NSA2: variants seen among roughly 807,000 people sequenced by gnomAD.
NSA2 encodes the protein ribosome biogenesis protein NSA2 homolog.
NSA2 carries 18 observed loss-of-function variants against 34.8 expected under a neutral mutation model. The observed-to-expected ratio is 0.52, with a 90% confidence interval of 0.36 to 0.77. The LOEUF (loss-of-function observed/expected upper bound fraction) is 0.77. NSA2 is among the 30% of genes least tolerant of loss of function. NSA2 has a pLI of 0.00. For synonymous variants in NSA2, 79 were observed against 100.2 expected, an observed-to-expected ratio of 0.79 and a Z score of 1.26; for missense variants, 188 against 314.7, an observed-to-expected ratio of 0.60 and a Z score of 3.05.
chr5:74,769,550 G>A, intron 3 of NSA2, 186 bp downstream of exon 3: 2 of 448,794 alleles, frequency 4.5e-6, no homozygotes, highest in South Asian at 6.5e-5. Context: ...TAAAATTTAA[G>A]TTATAAAAAA....
intron 5 of NSA2, among the ~76,000 whole-genome samples, chr5:74,774,734 CAT>C (rs149297713): frequency 0.013 from 2,002 of 152,186 alleles, 123 homozygotes; most frequent in Admixed American, 0.1. Flanking sequence ...ATATATCAAA[CAT>C]ATTTTAAAAG....
chr5:74,774,809 C>G (rs918943629), intron 5 of NSA2, among the ~76,000 whole-genome samples: 21 of 152,142 alleles, frequency 1.4e-4, no homozygotes, highest in African/African-American at 4.8e-4. Flanking sequence ...GAAAAAATTT[C>G]TTTTGCCACA....
Position 74,779,026 on chromosome 5 carries a change from T to G in NSA2, c.*2355T>G, listed in dbSNP as rs1163112177. 3 of 152,128 alleles carry G rather than the reference T, an allele frequency of 2.0e-5. No homozygotes were observed. The highest frequency in any genetic ancestry group is 7.2e-5 in the African/African-American group (3 of 41,452). 9.4% of individuals were successfully genotyped at this position (152,128 alleles called of 1,614,324 possible). On this transcript the variant is annotated 3_prime_UTR_variant, in exon 6 of 6. Coordinates refer to ENST00000610426, the MANE Select transcript of NSA2 (RefSeq NM_014886.6). The stretch of plus-strand genomic sequence containing the variant: ...GTTAGGTTTTTCCAAGTGATCTAAC[T>G]TTTCCCTCTATAATCTATAAACCCC...
chr5:74,778,563 AGACT>A lies in NSA2; in HGVS notation c.*1896_*1899del, dbSNP rs1745239076. The A allele has an allele frequency of 6.6e-6, 1 of 151,110 alleles. No individual in the cohort carries two copies. Among genetic ancestry groups the A allele is most frequent in the African/African-American group, 2.5e-5 (1 of 40,750 alleles). 9.4% of individuals were successfully genotyped at this position (151,110 alleles called of 1,614,324 possible). A position where few individuals can be genotyped will look rare whatever the true frequency, so the allele number is the denominator to read the frequency against. ...TGAATATAGACACATTTTAAGTAGAAGACTGACGTTCTAAATCATGCTGTTTGAT... is the reference window on the plus strand; with the variant it reads ...TGAATATAGACACATTTTAAGTAGAAGACGTTCTAAATCATGCTGTTTGAT... On this transcript the variant is annotated 3_prime_UTR_variant, in exon 6 of 6. Transcript: ENST00000610426.
At chr5:74,770,891 ATTC>A in intron 4 of NSA2, 81 bp downstream of exon 4, 1 of 1,090,054 alleles carries the variant, frequency 9.2e-7, no homozygotes, top group African/African-American at 1.6e-5. Flanking sequence ...ATTTCCTGAA[ATTC>A]TTTAAATTGA....
chr5:74,769,746 A>G (rs1744855931), intron 3 of NSA2, among the ~76,000 whole-genome samples: 1 of 152,244 alleles, frequency 6.6e-6, no homozygotes, highest in Non-Finnish European at 1.5e-5. Flanking sequence ...AAACTCCCTG[A>G]GTTGTCACAA....
chr5:74,775,887 C>T (rs112172182), intron 5 of NSA2, among the ~76,000 whole-genome samples: 170 of 152,236 alleles, frequency 1.1e-3, no homozygotes, highest in African/African-American at 3.9e-3. Flanking sequence ...CACGCTACAA[C>T]TTCTTCAGTC....
chr5:74,768,762 A>G (rs1403806770), intron 1 of NSA2, among the ~76,000 whole-genome samples, 169 bp from the exon 2 acceptor site: 6 of 152,244 alleles, frequency 3.9e-5, no homozygotes, highest in Middle Eastern at 3.2e-3. Flanking sequence ...CATATCATTC[A>G]AGACCAAAAT....
intron 5 of NSA2, among the ~76,000 whole-genome samples, chr5:74,774,671 A>G (rs750185592): frequency 7.2e-5 from 11 of 152,208 alleles, no homozygotes; most frequent in Non-Finnish European, 1.6e-4. Flanking sequence ...GTTATAACTA[A>G]GAAATATTAT....
rs756470335 is a variant in NSA2 at position 74,774,023 on chromosome 5, A to T, written c.678A>T (p.Glu226Asp). 5 of 1,613,986 alleles carry T rather than the reference A, an allele frequency of 3.1e-6. No individual in the cohort carries two copies. The highest frequency in any genetic ancestry group is 2.2e-5 in the South Asian group (2 of 91,046). The change falls in exon 5 of 6, where the codon GAA (glutamate) becomes GAT (aspartate). Residue 226 changes from glutamate (E) to aspartate (D), a missense_variant. Transcript: ENST00000610426. Reference protein sequence around the residue: ...KGTVIEVNVSELGLVTQGGKV... With the variant: ...KGTVIEVNVSDLGLVTQGGKV... ...CTGTCATTGAAGTAAATGTGAGCGA[A>T]TTGGGCCTTGTGACACAAGGAGGCA... is the stretch of plus-strand genomic sequence containing the variant.
intron 3 of NSA2, among the ~76,000 whole-genome samples, chr5:74,770,268 C>G (rs1195677616): frequency 6.7e-6 from 1 of 150,032 alleles, no homozygotes; most frequent in Admixed American, 6.7e-5. Flanking sequence ...GAGGCGGAGG[C>G]TGCACAGTGA....
chr5:74,774,203 G>A, intron 5 of NSA2, 143 bp downstream of exon 5: 1 of 528,678 alleles, frequency 1.9e-6, no homozygotes. Context: ...TAAATATTTA[G>A]TAAAAAATAC....
intron 4 of NSA2, among the ~76,000 whole-genome samples, chr5:74,773,566 A>G (rs1745016178): frequency 6.6e-6 from 1 of 152,050 alleles, no homozygotes; most frequent in South Asian, 2.1e-4. Flanking sequence ...CTTGAGCCCA[A>G]GAAGTCCAAG....
Position 74,767,953 on chromosome 5 carries a change from G to A in NSA2, c.3+590G>A, listed in dbSNP as rs184422638. 3.9e-3 allele frequency among the ~76,000 whole-genome samples: 601 copies of A among 152,286 alleles called. 2 individuals are homozygous for A. Among genetic ancestry groups the A allele is most frequent in the African/African-American group, 0.014 (580 of 41,552 alleles). On this transcript the variant is annotated intron_variant, in intron 1 of 5. Transcript: ENST00000610426. ...GCAGTTGGTAGCAGCACACCTTGTT[G>A]GTTGTTACTTAACATTGCTCTCTGT...
rs1276708913 is a variant in NSA2 at position 74,779,644 on chromosome 5, A to G, written c.*2973A>G. 6.6e-6 allele frequency: 1 copy of G among 151,908 alleles called. No homozygotes were observed. The highest frequency in any genetic ancestry group is 2.4e-5 in the African/African-American group (1 of 41,366). The allele number at this position is 151,908 out of a possible 1,614,324, so 9.4% of individuals were successfully genotyped here. A position where few individuals can be genotyped will look rare whatever the true frequency, so the allele number is the denominator to read the frequency against. On this transcript the variant is annotated 3_prime_UTR_variant, in exon 6 of 6. Coordinates refer to ENST00000610426, the MANE Select transcript of NSA2 (RefSeq NM_014886.6). ...TACTTTTTTTTTTTTACTTAGTATT[A>G]GCATTTGTTGAAAAAATAAATGGCC...
Position 74,769,260 on chromosome 5 carries a change from A to T in NSA2, c.238A>T (p.Lys80Ter). ...AAACACCAAACAAAAGAATGATGAA[A>T]AGACACCACAGGGAGCAGTACCTGC... ...KRNTKQKNDE[K>*]TPQGAVPAYL... The change falls in exon 3 of 6, where the codon AAG becomes TAG. Residue 80 changes from lysine to a stop codon, truncating the protein, a stop_gained. Coordinates refer to ENST00000610426, the MANE Select transcript of NSA2 (RefSeq NM_014886.6). LOFTEE classifies it high-confidence loss of function. 1.9e-6 allele frequency: 3 copies of T among 1,612,056 alleles called. No individual in the cohort carries two copies. Among genetic ancestry groups the T allele is most frequent in the Non-Finnish European group, 2.5e-6 (3 of 1,179,526 alleles).
intron 4 of NSA2, 76 bp from the exon 5 acceptor site, chr5:74,773,792 T>G: frequency 8.7e-7 from 1 of 1,146,912 alleles, no homozygotes; most frequent in Middle Eastern, 3.0e-4. Context: ...TTGAAAAAGA[T>G]AAGCGAAAAC....
chr5:74,779,776 G>A lies in NSA2; in HGVS notation c.*3105G>A, dbSNP rs924821103. 3.3e-5 allele frequency: 5 copies of A among 152,028 alleles called. No individual in the cohort carries two copies. The highest frequency in any genetic ancestry group is 4.8e-5 in the African/African-American group (2 of 41,414). 9.4% of individuals were successfully genotyped at this position (152,028 alleles called of 1,614,324 possible). A position where few individuals can be genotyped will look rare whatever the true frequency, so the allele number is the denominator to read the frequency against. The stretch of plus-strand genomic sequence containing the variant: ...TTCAAAATCTAACACAAATAGGAGC[G>A]TTTACTATTTTTGTCTGCTTTAAGA... On this transcript the variant is annotated 3_prime_UTR_variant, in exon 6 of 6. Transcript: ENST00000610426.
In NSA2 at chr5:74,768,964, C is replaced by T. The variant is rs1370387682; in HGVS notation, c.37C>T (p.Arg13Cys). The T allele has an allele frequency of 2.5e-6, 4 of 1,600,772 alleles. No homozygotes were observed. Among genetic ancestry groups the T allele is most frequent in the African/African-American group, 1.4e-5 (1 of 73,792 alleles). The change falls in exon 2 of 6, where the codon CGC (arginine) becomes TGC (cysteine). Residue 13 changes from arginine (R) to cysteine (C), a missense_variant. By Grantham distance (180) the Arg-to-Cys change is radical (BLOSUM62 -3). Transcript: ENST00000610426. ...QNEYIELHRK[R>C]YGYRLDYHEK... ...TGAATATATTGAATTACACCGTAAA[C>T]GCTATGGATACCGTTTGGATTACCA... is the stretch of plus-strand genomic sequence containing the variant.
Sources: gnomAD v4.1 joint callset for allele counts (sites outside exome capture counted in the v4.1 genomes callset) on GRCh38, gnomAD v4.1.1 for gene constraint, MANE v1.5 for transcripts, NCBI Gene and HGNC (gene_info 2026-07-23, HGNC 2026-07-21) for gene names.